Variants in ZNF273 observed in about 807,000 individuals in gnomAD.
ZNF273 encodes the protein zinc finger protein 273, also known as zinc finger protein 9.
In ZNF273, 11 loss-of-function variants were observed where a neutral mutation model predicts 14.9. The observed-to-expected ratio is 0.74, with a 90% CI of 0.46 to 1.22. The LOEUF is 1.22. Ranked by LOEUF, ZNF273 falls within the 50% of genes most tolerant of loss-of-function variation. ZNF273 has a pLI of 0.00. For synonymous variants in ZNF273, 199 were observed against 223.9 expected (o/e 0.89, Z 0.99); for missense variants, 577 against 660.6 (o/e 0.87, Z 1.39).
At chr7:64,916,011 C>T (rs1793951314) in intron 1 of ZNF273, among the ~76,000 whole-genome samples, 1 of 152,034 alleles carries the variant, frequency 6.6e-6, no homozygotes, top group Admixed American at 6.6e-5. Context: ...GCCTGGCCAA[C>T]ATGGTGAAAC....
At chr7:64,933,703 G>C (rs1276634259), downstream of ZNF273, 5 of 152,192 alleles carry the variant, frequency 3.3e-5, no homozygotes, top group African/African-American at 1.2e-4. Flanking sequence ...TTATGAAACA[G>C]ACACAGTATT....
chr7:64,914,941 T>TTA lies in ZNF273; in HGVS notation c.103-2640_103-2639insTA, dbSNP rs71061326. On this transcript the variant is annotated intron_variant, in intron 1 of 3. Coordinates refer to ENST00000476120, the MANE Select transcript of ZNF273 (RefSeq NM_021148.3). ...AAAAATGGCCTTTTTTTTTTTTTTT[T>TTA]AGCTAAACATGTCTCAGATCAAGAG... 2.6e-3 allele frequency among the ~76,000 whole-genome samples: 331 copies of TTA among 127,916 alleles called. 1 individual carries two copies. The highest frequency in any genetic ancestry group is 7.9e-3 in the Admixed American group (99 of 12,608). The allele number at this position is 127,916 out of a possible 152,430, so 83.9% of individuals were successfully genotyped here.
At chr7:64,899,556 G>A (rs771075678), upstream of ZNF273, among the ~76,000 whole-genome samples, 20 of 151,750 alleles carry the variant, frequency 1.3e-4, no homozygotes, top group Admixed American at 5.9e-4. Context: ...TTGGAAGGCT[G>A]AGGCAAGAGA....
At position 64,916,542 on chromosome 7, in the gene ZNF273, C is replaced by CA. The variant is rs10712527; in HGVS notation, c.103-1016dup. On this transcript the variant is annotated intron_variant, in intron 1 of 3. Coordinates refer to ENST00000476120, the MANE Select transcript of ZNF273 (RefSeq NM_021148.3). ...CCTGGGCAAGGGAGCAAAACTGTCT[C>CA]AAAAAAAAAAAAAAAAAAAAAAACC... is the stretch of plus-strand genomic sequence containing the variant. Among the ~76,000 whole-genome samples the CA allele has an allele frequency of 7.3e-3, 609 of 83,520 alleles. 3 individuals carry two copies. Among genetic ancestry groups the CA allele is most frequent in the South Asian group, 0.011 (24 of 2,122 alleles). The allele number at this position is 83,520 out of a possible 152,430, so 54.8% of individuals were successfully genotyped here. A position where few individuals can be genotyped will look rare whatever the true frequency, so the allele number is the denominator to read the frequency against.
chr7:64,932,866 A>G (rs1795021589), downstream of ZNF273, among the ~76,000 whole-genome samples: 3 of 152,284 alleles, frequency 2.0e-5, no homozygotes, highest in South Asian at 6.2e-4. Context: ...GTTTTCACAC[A>G]GAATCTATTT....
At chr7:64,912,826 G>GTTTTTTGTTGTTGTTTTTT in intron 1 of ZNF273, among the ~76,000 whole-genome samples, 3 of 36,574 alleles carry the variant, frequency 8.2e-5, no homozygotes, top group Admixed American at 4.0e-4. Flanking sequence ...ATTCATTTTA[G>GTTTTTTGTTGTTGTTTTTT]TTTTTTTTTT....
chr7:64,929,425 A>G lies in ZNF273; in HGVS notation c.*387A>G, dbSNP rs1241377909. 6.5e-6 allele frequency: 1 copy of G among 154,172 alleles called. No homozygotes were observed. The highest frequency in any genetic ancestry group is 6.5e-5 in the Admixed American group (1 of 15,342). The allele number at this position is 154,172 out of a possible 1,614,324, so 9.6% of individuals were successfully genotyped here. Reference sequence around the variant, plus strand: ...AGAAAAACCCTGAAGCAGTTGTTCAAACTTTGTTCAATACCAGGAAATTTA... The same window carrying G: ...AGAAAAACCCTGAAGCAGTTGTTCAGACTTTGTTCAATACCAGGAAATTTA... On this transcript the variant is annotated 3_prime_UTR_variant, in exon 4 of 4. Transcript: ENST00000476120.
downstream of ZNF273, among the ~76,000 whole-genome samples, chr7:64,883,214 A>AACCCCCCCCCC (rs1554378895): frequency 8.2e-6 from 1 of 121,638 alleles, no homozygotes; most frequent in Admixed American, 8.5e-5. Flanking sequence ...CCAAATCACC[A>AACCCCCCCCCC]CCCCCCCCTC....
chr7:64,902,052 ATATTT>A (rs1371870489), upstream of ZNF273, among the ~76,000 whole-genome samples: 2 of 148,488 alleles, frequency 1.3e-5, no homozygotes, highest in African/African-American at 2.4e-5. Context: ...ATTATTATAC[ATATTT>A]TATATTATTA....
At chr7:64,923,167 G>A (rs1206261672) in intron 3 of ZNF273, among the ~76,000 whole-genome samples, 19 of 151,692 alleles carry the variant, frequency 1.3e-4, no homozygotes, top group Admixed American at 1.1e-3. Context: ...TTTTTTCTAG[G>A]AGTGTAACTG....
At chr7:64,895,105 C>A (rs1024449545) in intron 3 of ZNF273, among the ~76,000 whole-genome samples, 11 of 152,068 alleles carry the variant, frequency 7.2e-5, no homozygotes. Flanking sequence ...CCGCTGCACT[C>A]CAGCCTGGGT....
rs34696878 is a variant in ZNF273 at position 64,897,712 on chromosome 7, C to CTT, written n.869_870dup. 7.0e-3 allele frequency: 854 copies of CTT among 121,676 alleles called. 11 individuals are homozygous for CTT. The highest frequency in any genetic ancestry group is 9.9e-3 in the African/African-American group (316 of 31,860). 7.5% of individuals were successfully genotyped at this position (121,676 alleles called of 1,614,324 possible). On this transcript the variant is annotated non_coding_transcript_exon_variant, in exon 4 of 8. Coordinates refer to the ZNF273 transcript ENST00000527278. ...AAATAAAGGTTCATTTTGTTGATTT[C>CTT]TTTTTTTTTTTTTTTTTCTGAGACG... is the stretch of plus-strand genomic sequence containing the variant.
intron 3 of ZNF273, among the ~76,000 whole-genome samples, chr7:64,925,958 T>C (rs988027683): frequency 6.6e-6 from 1 of 152,112 alleles, no homozygotes; most frequent in Admixed American, 6.6e-5. Flanking sequence ...GAAAGTTATG[T>C]ATTTTCATAT....
At chr7:64,886,436 G>T (rs1236084408) in intron 1 of ZNF273, among the ~76,000 whole-genome samples, 4 of 152,284 alleles carry the variant, frequency 2.6e-5, no homozygotes, top group South Asian at 2.1e-4. Context: ...CACAGAAGAG[G>T]AAACTAAATT....
chr7:64,928,597 T>G lies in ZNF273; in HGVS notation c.1269T>G (p.Ile423Met), dbSNP rs1384671819. The G allele has an allele frequency of 6.2e-7, 1 of 1,613,314 alleles. No individual in the cohort carries two copies. Residue 423 changes from isoleucine to methionine, a missense_variant, in exon 4 of 4, where the codon ATT (isoleucine) becomes ATG (methionine). Around this residue, in one of 3 missense-constraint regions of ZNF273, gnomAD observed 411 missense variants for 440.4 expected, o/e 0.93. Transcript: ENST00000476120. The part of the protein sequence containing the change: ...RSTTLTKHKR[I>M]YTKEKPYKCE... The stretch of plus-strand genomic sequence containing the variant: ...CAACTCTTACTAAACATAAGAGAAT[T>G]TATACTAAAGAGAAACCATACAAAT...
At chr7:64,893,863 C>T (rs1792202839), downstream of ZNF273, 1 of 153,418 alleles carries the variant, frequency 6.5e-6, no homozygotes, top group Admixed American at 6.5e-5. Flanking sequence ...AAGTTACCAC[C>T]GCATCATTTC....
At chr7:64,893,254 A>G (rs1171819479), downstream of ZNF273, among the ~76,000 whole-genome samples, 1 of 152,140 alleles carries the variant, frequency 6.6e-6, no homozygotes, top group Non-Finnish European at 1.5e-5. Flanking sequence ...ACACTGTGAC[A>G]TTTTGATATA....
rs773305109 is a variant in ZNF273 at position 64,903,311 on chromosome 7, C to T, written c.-7C>T. On this transcript the variant is annotated 5_prime_UTR_variant, in exon 1 of 4. Transcript: ENST00000476120. Reference sequence around the variant, plus strand: ...GTCGCAGCTCCAGGTCTCGTCTTCACTGCTCTATGTCCTCTGCTCCTAGAG... The same window carrying T: ...GTCGCAGCTCCAGGTCTCGTCTTCATTGCTCTATGTCCTCTGCTCCTAGAG... The T allele has an allele frequency of 1.9e-6, 3 of 1,608,426 alleles. No individual in the cohort carries two copies. The highest frequency in any genetic ancestry group is 1.7e-6 in the Non-Finnish European group (2 of 1,175,676).
downstream of ZNF273, among the ~76,000 whole-genome samples, chr7:64,881,514 G>A (rs1583948119): frequency 6.6e-6 from 1 of 152,194 alleles, no homozygotes; most frequent in Non-Finnish European, 1.5e-5. Flanking sequence ...TCTATCAGAG[G>A]GCTGCATGAT....
Sources: gnomAD v4.1 joint callset for allele counts (sites outside exome capture counted in the v4.1 genomes callset) on GRCh38, gnomAD v4.1.1 for gene constraint, gnomAD v4.1.1 regional missense constraint, MANE v1.5 for transcripts, NCBI Gene and HGNC (gene_info 2026-07-23, HGNC 2026-07-21) for gene names.